PEMT: variants seen among roughly 807,000 people sequenced by gnomAD.
PEMT encodes the protein phospholipid methyltransferase.
A neutral mutation model predicts 27.4 loss-of-function variants in PEMT; 23 were observed. The ratio of observed to expected loss-of-function variants is 0.84; its 90% confidence interval spans 0.60 to 1.19. The LOEUF (loss-of-function observed/expected upper bound fraction) is 1.19. PEMT is among the 50% of genes most tolerant of loss of function. The pLI, the probability that PEMT is intolerant of heterozygous loss-of-function variation, is 0.00. For synonymous variants in PEMT, 137 were observed against 139.1 expected, an observed-to-expected ratio of 0.98 and a Z score of 0.11; for missense variants, 307 against 310.1, an observed-to-expected ratio of 0.99 and a Z score of 0.07.
At chr17:17,509,688 A>C in intron 4 of PEMT, 143 bp from the exon 5 acceptor site, 1 of 664,226 alleles carries the variant, frequency 1.5e-6, no homozygotes, top group Non-Finnish European at 2.7e-6. Flanking sequence ...AGAGTTCAAC[A>C]ATGGGCAGAG....
At chr17:17,518,071 G>C (rs1906974656) in intron 3 of PEMT, 1 of 985,506 alleles carries the variant, frequency 1.0e-6, no homozygotes, top group Non-Finnish European at 1.2e-6. Context: ...GCACACAGGA[G>C]CCTCTCCCCT....
intron 1 of PEMT, among the ~76,000 whole-genome samples, chr17:17,584,973 C>T (rs1912167294): frequency 6.6e-6 from 1 of 152,238 alleles, no homozygotes; most frequent in Non-Finnish European, 1.5e-5. Context: ...TAGACAGACG[C>T]TGGCTGTGAC....
At chr17:17,550,605 T>TG (rs1214509869) in intron 2 of PEMT, among the ~76,000 whole-genome samples, 2 of 152,204 alleles carry the variant, frequency 1.3e-5, no homozygotes, top group East Asian at 3.8e-4. Flanking sequence ...TTGTCATGCA[T>TG]TTGTGTGATT....
At chr17:17,550,076 G>C (rs1909540440) in intron 2 of PEMT, among the ~76,000 whole-genome samples, 1 of 152,166 alleles carries the variant, frequency 6.6e-6, no homozygotes, top group African/African-American at 2.4e-5. Context: ...GATAGCGGGG[G>C]GGATCAGCAG....
At chr17:17,507,229 GAA>G (rs778254620) in intron 5 of PEMT, 18 of 1,513,518 alleles carry the variant, frequency 1.2e-5, no homozygotes, top group Non-Finnish European at 1.5e-5. Flanking sequence ...AGGGAGGGAG[GAA>G]GAGAGGAAGG....
rs1906528607 is a variant in PEMT at position 17,512,904 on chromosome 17, T to G, written c.321-250A>C. On this transcript the variant is annotated intron_variant, in intron 3 of 6. Transcript: ENST00000255389. This position sits in a 1 kb window ranked among gnomAD's most constrained non-coding sequence, Gnocchi z 6.3. ...GAGAAGCCAGAAATCCTGACTCGTATGTGAAATATCCTAATTTTTAGAAAT... is the reference window on the plus strand; with the variant it reads ...GAGAAGCCAGAAATCCTGACTCGTAGGTGAAATATCCTAATTTTTAGAAAT... 6.6e-6 allele frequency among the ~76,000 whole-genome samples: 1 copy of G among 152,192 alleles called. No homozygotes were observed.
rs532691118 is a variant in PEMT, at chr17:17,591,281, C to T, written c.96+250G>A. 3 of 534,432 alleles carry T rather than the reference C, an allele frequency of 5.6e-6. No individual in the cohort carries two copies. In the South Asian group the frequency reaches 6.8e-5, roughly 12 times the overall value. The allele number at this position is 534,432 out of a possible 1,614,324, so 33.1% of individuals were successfully genotyped here. A position where few individuals can be genotyped will look rare whatever the true frequency, so the allele number is the denominator to read the frequency against. On this transcript the variant is annotated intron_variant, in intron 1 of 6. Coordinates refer to ENST00000255389, the MANE Select transcript of PEMT (RefSeq NM_148172.3). ...TCAGGGCCACACACAGGCACACAAT[C>T]AGACGAGCTCAGGAACGCCCCCGTC...
upstream of PEMT, chr17:17,591,722 G>A: frequency 4.0e-6 from 6 of 1,492,788 alleles, no homozygotes; most frequent in Admixed American, 2.4e-5. Flanking sequence ...GCCAGTCGGG[G>A]CGCTTTCCCG....
chr17:17,588,392 G>A (rs996774317), intron 1 of PEMT, among the ~76,000 whole-genome samples: 1 of 152,098 alleles, frequency 6.6e-6, no homozygotes, highest in Admixed American at 6.6e-5. Flanking sequence ...GGTCTTACTC[G>A]GGTGCCCATA....
chr17:17,571,323 G>A (rs549092998), intron 2 of PEMT, among the ~76,000 whole-genome samples: 33 of 152,160 alleles, frequency 2.2e-4, no homozygotes, highest in Non-Finnish European at 3.4e-4. Context: ...CAGGAAGGCC[G>A]GTCTCCAGGA....
intron 1 of PEMT, among the ~76,000 whole-genome samples, chr17:17,584,059 G>A (rs1214116431): frequency 6.6e-6 from 1 of 152,210 alleles, no homozygotes; most frequent in Non-Finnish European, 1.5e-5. Flanking sequence ...TGGGTGTGGG[G>A]CCCACGGGTA....
intron 2 of PEMT, among the ~76,000 whole-genome samples, chr17:17,546,533 CTGA>C (rs1433824944): frequency 2.6e-5 from 4 of 152,236 alleles, no homozygotes; most frequent in Non-Finnish European, 4.4e-5. Context: ...GCTAATAAGG[CTGA>C]TAAGGCCCCG....
chr17:17,516,207 C>A (rs904538694), intron 3 of PEMT, among the ~76,000 whole-genome samples: 8 of 152,098 alleles, frequency 5.3e-5, no homozygotes, highest in Non-Finnish European at 1.0e-4. Flanking sequence ...CTTTCCACTC[C>A]ATCTCAGCTA....
At chr17:17,585,831 C>T (rs1204911552) in intron 1 of PEMT, among the ~76,000 whole-genome samples, 1 of 151,796 alleles carries the variant, frequency 6.6e-6, no homozygotes, top group Non-Finnish European at 1.5e-5. Flanking sequence ...GCCTGTAATC[C>T]CAGCACTTTG....
At position 17,582,343 on chromosome 17, in the gene PEMT, C is replaced by G; in HGVS notation, c.97-5316G>C. ...ACCGACGAATAGCCTCAGCTGTTAACACCCCAAAGCATGGGTAAGGAAGAG... is the reference window on the plus strand; with the variant it reads ...ACCGACGAATAGCCTCAGCTGTTAAGACCCCAAAGCATGGGTAAGGAAGAG... On this transcript the variant is annotated intron_variant, in intron 1 of 6. Coordinates refer to ENST00000255389, the MANE Select transcript of PEMT (RefSeq NM_148172.3). This position sits in a 1 kb window ranked among gnomAD's most constrained non-coding sequence, Gnocchi z 4.9. 18 of 985,490 alleles carry G rather than the reference C, an allele frequency of 1.8e-5. No homozygotes were observed. Among genetic ancestry groups the G allele is most frequent in the Non-Finnish European group, 2.0e-5 (17 of 829,960 alleles). 61.0% of individuals were successfully genotyped at this position (985,490 alleles called of 1,614,324 possible).
At position 17,512,576 on chromosome 17, in the gene PEMT, G is replaced by T. The variant is rs1310203587; in HGVS notation, c.399C>A (p.Leu133=). Reference sequence around the variant, plus strand: ...GCACGAGCACGACGCCCAGTCCCAGGAGCGCGAGGCCCAGGCTGTAGGCCG... The same window carrying T: ...GCACGAGCACGACGCCCAGTCCCAGTAGCGCGAGGCCCAGGCTGTAGGCCG... ...TPAAYSLGLA[L]LGLGVVLVLS... is the part of the protein sequence containing the mutation. Residue 133 remains leucine (L), a synonymous_variant, in exon 4 of 7, where the codon CTC becomes CTA. Transcript: ENST00000255389. The surrounding 1 kb of genome is among the most constrained non-coding windows in gnomAD (Gnocchi z 6.3). 1 of 1,609,076 alleles carries T rather than the reference G, an allele frequency of 6.2e-7. No individual in the cohort carries two copies. Among genetic ancestry groups the T allele is most frequent in the Admixed American group, 1.7e-5 (1 of 59,630 alleles).
chr17:17,591,339 G>A (rs1912575152), intron 1 of PEMT, 192 bp downstream of exon 1: 2 of 560,276 alleles, frequency 3.6e-6, no homozygotes, highest in South Asian at 2.2e-5. Context: ...TTACACGCGC[G>A]CGCACACGCA....
chr17:17,543,521 T>C (rs1338970867), intron 2 of PEMT, among the ~76,000 whole-genome samples: 2 of 151,714 alleles, frequency 1.3e-5, no homozygotes, highest in South Asian at 2.1e-4. Flanking sequence ...GTGACTTTCA[T>C]GAAGGCATGA....
chr17:17,584,261 G>A (rs906936098), intron 1 of PEMT, among the ~76,000 whole-genome samples: 13 of 152,196 alleles, frequency 8.5e-5, no homozygotes, highest in African/African-American at 2.2e-4. Flanking sequence ...CCGGGTTCAC[G>A]CCATTCTCCT....
Sources: gnomAD v4.1 joint callset for allele counts (sites outside exome capture counted in the v4.1 genomes callset) on GRCh38, gnomAD v4.1.1 for gene constraint, Gnocchi (gnomAD v3.1) non-coding constraint, MANE v1.5 for transcripts, NCBI Gene and HGNC (gene_info 2026-07-23, HGNC 2026-07-21) for gene names.